AGBL4: variants seen among roughly 807,000 people sequenced by gnomAD.
AGBL4 encodes AGBL carboxypeptidase 4, also known as cytosolic carboxypeptidase 6.
AGBL4 carries 58 observed loss-of-function variants against 66.4 expected under a neutral mutation model. That is an observed-to-expected ratio of 0.87 (90% confidence interval 0.71 to 1.09). The LOEUF (loss-of-function observed/expected upper bound fraction) is 1.09, where lower values mean the gene tolerates loss of function less well. Among genes scored for constraint, AGBL4 ranks in the 50% least tolerant of loss-of-function variants. The probability of loss-of-function intolerance (pLI) is 0.00; values close to 1 mark genes in which losing one functional copy is unlikely to be tolerated. For missense variants in AGBL4, 579 were observed against 631.0 expected, an observed-to-expected ratio of 0.92 and a Z score of 0.88; for synonymous variants, 234 against 222.9, an observed-to-expected ratio of 1.05 and a Z score of -0.44.
At chr1:49,767,266 C>A (rs960425730) in intron 2 of AGBL4, among the ~76,000 whole-genome samples, 2 of 151,606 alleles carry the variant, frequency 1.3e-5, no homozygotes, top group Admixed American at 6.6e-5. Context: ...TACTTTTGGG[C>A]CACAGTGGAA....
At chr1:48,948,402 G>A (rs1418741117) in intron 5 of AGBL4, among the ~76,000 whole-genome samples, 1 of 152,220 alleles carries the variant, frequency 6.6e-6, no homozygotes, top group African/African-American at 2.4e-5. Context: ...GCTGAGCACT[G>A]CCACTCTGTA....
chr1:49,276,121 TACACAC>T (rs150008463), intron 3 of AGBL4, among the ~76,000 whole-genome samples: 2 of 150,764 alleles, frequency 1.3e-5, no homozygotes, highest in Non-Finnish European at 3.0e-5. Context: ...TACATATATA[TACACAC>T]ACACACACAC....
intron 3 of AGBL4, among the ~76,000 whole-genome samples, chr1:49,694,034 A>T (rs537579121): frequency 6.6e-6 from 1 of 152,194 alleles, no homozygotes; most frequent in Admixed American, 6.5e-5. Flanking sequence ...ATTATTTCCT[A>T]GAAACATCAA....
At chr1:48,637,448 C>G (rs1645685394) in intron 8 of AGBL4, among the ~76,000 whole-genome samples, 1 of 152,192 alleles carries the variant, frequency 6.6e-6, no homozygotes, top group Non-Finnish European at 1.5e-5. Context: ...GCTCCTCCAT[C>G]ATTACAAGAT....
intron 5 of AGBL4, among the ~76,000 whole-genome samples, chr1:48,971,521 G>A (rs767450233): frequency 1.3e-5 from 2 of 152,066 alleles, no homozygotes; most frequent in Admixed American, 1.3e-4. Context: ...TAATATGGAC[G>A]GTTGACTTAA....
chr1:49,071,539 T>C (rs1223270603), intron 4 of AGBL4, among the ~76,000 whole-genome samples: 1 of 152,030 alleles, frequency 6.6e-6, no homozygotes. Context: ...TCAGTTTCCA[T>C]GTAGCAGTGC....
rs182071952 is a variant in AGBL4 at position 49,525,068 on chromosome 1, T to C, written c.282+172245A>G. Among the ~76,000 whole-genome samples, 159 of 152,034 alleles carry C rather than the reference T, an allele frequency of 1.0e-3. 1 individual carries two copies. The highest frequency in any genetic ancestry group is 7.8e-4 in the Non-Finnish European group (53 of 67,990). On this transcript the variant is annotated intron_variant, in intron 3 of 13. Coordinates refer to ENST00000371839, the MANE Select transcript of AGBL4 (RefSeq NM_032785.4). The stretch of plus-strand genomic sequence containing the variant: ...AAACAATAATATGTACCTTGCAAGG[T>C]TGCTGTTAGGAATATATTTATTAAT...
At chr1:48,761,038 C>T in intron 6 of AGBL4, 1 of 284,460 alleles carries the variant, frequency 3.5e-6, no homozygotes, top group East Asian at 7.1e-5. Flanking sequence ...AGTGACCTCT[C>T]CAGAGCTGTG....
intron 3 of AGBL4, among the ~76,000 whole-genome samples, chr1:49,554,841 G>A (rs377606738): frequency 5.9e-5 from 9 of 151,986 alleles, no homozygotes; most frequent in African/African-American, 1.2e-4. Context: ...GCAGACCTTC[G>A]GGTGAGTGTT....
chr1:49,975,545 T>C, intron 1 of AGBL4, among the ~76,000 whole-genome samples: 1 of 152,076 alleles, frequency 6.6e-6, no homozygotes, highest in Non-Finnish European at 1.5e-5. Context: ...TTTAACACTT[T>C]CTCCCAGCCT....
chr1:49,213,657 A>G (rs1648849386), intron 4 of AGBL4, among the ~76,000 whole-genome samples: 1 of 152,126 alleles, frequency 6.6e-6, no homozygotes, highest in South Asian at 2.1e-4. Flanking sequence ...TCTTTTCTTT[A>G]TAAATTAGCC....
At chr1:49,849,036 G>T (rs1646232787) in intron 2 of AGBL4, among the ~76,000 whole-genome samples, 1 of 152,108 alleles carries the variant, frequency 6.6e-6, no homozygotes, top group South Asian at 2.1e-4. Context: ...TTAAAAAAAG[G>T]TGGGGGGATG....
chr1:49,271,373 A>T (rs1019309922), intron 3 of AGBL4, among the ~76,000 whole-genome samples: 2 of 152,052 alleles, frequency 1.3e-5, no homozygotes, highest in African/African-American at 4.8e-5. Flanking sequence ...ATGAGGTAGA[A>T]GGGTACTTTC....
At chr1:49,771,996 A>ATG (rs1400078427) in intron 2 of AGBL4, among the ~76,000 whole-genome samples, 1 of 151,990 alleles carries the variant, frequency 6.6e-6, no homozygotes, top group Non-Finnish European at 1.5e-5. Flanking sequence ...ATAGGTAAGG[A>ATG]TGTACTCCTG....
chr1:48,656,526 G>A (rs1005215429), intron 7 of AGBL4, among the ~76,000 whole-genome samples: 7 of 152,218 alleles, frequency 4.6e-5, no homozygotes, highest in African/African-American at 1.7e-4. Context: ...GCTCTGATGG[G>A]AACAGCACAT....
rs780513430 is a variant in AGBL4, at chr1:49,306,381, T to C, written c.283-60517A>G. ...TATCAGTCCTAAAATTTGGGCTTCA[T>C]GCTTATTGAAAAACAGGTATATGTC... On this transcript the variant is annotated intron_variant, in intron 3 of 13. Transcript: ENST00000371839. 9.9e-5 allele frequency among the ~76,000 whole-genome samples: 15 copies of C among 152,202 alleles called. No homozygotes were observed. In the South Asian group the frequency reaches 1.0e-3, roughly 10 times the overall value.
intron 2 of AGBL4, among the ~76,000 whole-genome samples, chr1:49,735,622 AG>A (rs1649822888): frequency 6.6e-6 from 1 of 152,176 alleles, no homozygotes; most frequent in South Asian, 2.1e-4. Context: ...TACAAGATAC[AG>A]AAAAATTAAC....
chr1:49,872,004 T>A (rs887873728), intron 1 of AGBL4, among the ~76,000 whole-genome samples: 10 of 152,114 alleles, frequency 6.6e-5, no homozygotes, highest in Non-Finnish European at 1.0e-4. Context: ...AGGATTCTCA[T>A]GAAGAGCTGA....
At chr1:49,380,622 G>A (rs1234352578) in intron 3 of AGBL4, among the ~76,000 whole-genome samples, 1 of 152,112 alleles carries the variant, frequency 6.6e-6, no homozygotes, top group African/African-American at 2.4e-5. Context: ...AACCAAAACA[G>A]CATGGTACTG....
Sources: allele counts gnomAD v4.1 joint callset (sites outside exome capture counted in the v4.1 genomes callset), GRCh38; gene constraint gnomAD v4.1.1; transcripts MANE v1.5; gene names NCBI Gene and HGNC (gene_info 2026-07-23, HGNC 2026-07-21).